Variants in ADGRL3 observed in about 807,000 individuals in gnomAD.
The protein encoded by ADGRL3 is adhesion G protein-coupled receptor L3.
ADGRL3 carries 62 observed loss-of-function variants against 153.5 expected under a neutral mutation model. The observed-to-expected ratio is 0.40, with a 90% CI of 0.33 to 0.50. The LOEUF (loss-of-function observed/expected upper bound fraction) is 0.50. ADGRL3 is among the 20% of genes least tolerant of loss of function. The pLI, the probability that ADGRL3 is intolerant of heterozygous loss-of-function variation, is 0.47. For missense variants in ADGRL3, 1,641 were observed against 1,859.4 expected, an observed-to-expected ratio of 0.88 and a Z score of 2.16; for synonymous variants, 710 against 672.5, an observed-to-expected ratio of 1.06 and a Z score of -0.86.
At chr4:61,947,794 G>A (rs1404248071) in intron 16 of ADGRL3, among the ~76,000 whole-genome samples, 1 of 152,128 alleles carries the variant, frequency 6.6e-6, no homozygotes, top group African/African-American at 2.4e-5. Flanking sequence ...TGGTTGTTAA[G>A]AGCAATTAAC....
At chr4:61,601,838 C>T (rs1226476558) in intron 5 of ADGRL3, among the ~76,000 whole-genome samples, 1 of 152,054 alleles carries the variant, frequency 6.6e-6, no homozygotes, top group Non-Finnish European at 1.5e-5. Context: ...TAAGTGGAAG[C>T]ACTATCATTT....
intron 25 of ADGRL3, among the ~76,000 whole-genome samples, chr4:62,059,150 G>C (rs2151840577): frequency 6.6e-6 from 1 of 152,198 alleles, no homozygotes; most frequent in South Asian, 2.1e-4. Flanking sequence ...TAGAGCGATA[G>C]GAAGTATGTC....
chr4:61,470,299 T>G (rs1357654838), intron 2 of ADGRL3, among the ~76,000 whole-genome samples: 1 of 151,952 alleles, frequency 6.6e-6, no homozygotes, highest in Non-Finnish European at 1.5e-5. Context: ...CCTTGACTCA[T>G]TCCAGGTAAT....
At chr4:61,240,795 T>C (rs1754623267) in intron 1 of ADGRL3, among the ~76,000 whole-genome samples, 1 of 152,130 alleles carries the variant, frequency 6.6e-6, no homozygotes, top group Non-Finnish European at 1.5e-5. Flanking sequence ...ACTTGTTTAA[T>C]GTTTCATGAG....
At chr4:61,937,898 CAT>C (rs1225736683) in intron 15 of ADGRL3, among the ~76,000 whole-genome samples, 3 of 152,086 alleles carry the variant, frequency 2.0e-5, no homozygotes, top group African/African-American at 7.2e-5. Context: ...TCTAAATTAA[CAT>C]ATAGTTTTTC....
intron 8 of ADGRL3, among the ~76,000 whole-genome samples, chr4:61,792,649 C>T (rs950051290): frequency 6.6e-6 from 1 of 151,748 alleles, no homozygotes; most frequent in Non-Finnish European, 1.5e-5. Flanking sequence ...GCCACCACAC[C>T]CAGCTAATTT....
chr4:61,690,156 T>C (rs1238042293), intron 6 of ADGRL3, among the ~76,000 whole-genome samples: 4 of 152,150 alleles, frequency 2.6e-5, no homozygotes, highest in Non-Finnish European at 5.9e-5. Flanking sequence ...AAAAGTTGTC[T>C]GAAGTTGGCC....
At chr4:61,429,827 G>A (rs1219890247) in intron 2 of ADGRL3, among the ~76,000 whole-genome samples, 1 of 152,050 alleles carries the variant, frequency 6.6e-6, no homozygotes, top group African/African-American at 2.4e-5. Flanking sequence ...ATTTTTTAAG[G>A]TAATTTCCTT....
intron 19 of ADGRL3, among the ~76,000 whole-genome samples, chr4:61,985,303 G>T (rs2099081422): frequency 6.6e-6 from 1 of 151,614 alleles, no homozygotes; most frequent in Non-Finnish European, 1.5e-5. Flanking sequence ...TTTGAGGTGA[G>T]TGTGAAGAAA....
At chr4:61,820,014 C>T (rs11732286) in intron 9 of ADGRL3, among the ~76,000 whole-genome samples, 13,520 of 151,950 alleles carry the variant, frequency 0.089, 694 homozygotes, top group Middle Eastern at 0.15. Flanking sequence ...TTGATTTATT[C>T]GACTTTCACT....
chr4:61,606,992 TG>T (rs956721005), intron 5 of ADGRL3, among the ~76,000 whole-genome samples: 9 of 152,196 alleles, frequency 5.9e-5, no homozygotes, highest in African/African-American at 1.9e-4. Context: ...AGCAATTCAC[TG>T]AGACTGTGGT....
chr4:61,381,746 A>G (rs921015755), intron 1 of ADGRL3, among the ~76,000 whole-genome samples: 1 of 152,048 alleles, frequency 6.6e-6, no homozygotes, highest in African/African-American at 2.4e-5. Context: ...TTCAAAAACC[A>G]GGGAAAAAAG....
At chr4:61,389,004 T>C (rs1032527230) in intron 2 of ADGRL3, among the ~76,000 whole-genome samples, 2 of 152,268 alleles carry the variant, frequency 1.3e-5, no homozygotes, top group Non-Finnish European at 2.9e-5. Context: ...CATTATTTTA[T>C]GTATTCTAAA....
chr4:61,287,739 C>G (rs889042959), intron 1 of ADGRL3, among the ~76,000 whole-genome samples: 28 of 151,886 alleles, frequency 1.8e-4, no homozygotes, highest in African/African-American at 6.3e-4. Flanking sequence ...CCTAATCCAT[C>G]TGGAGTGCCA....
Position 62,070,132 on chromosome 4 carries a change from G to T in ADGRL3, c.3856G>T (p.Asp1286Tyr). The change falls in exon 27 of 27, where the codon GAT becomes TAT. Residue 1286 changes from aspartate (D) to tyrosine (Y), a missense_variant. By Grantham distance (160) the Asp-to-Tyr change is radical. Transcript: ENST00000683033. ...ETKGLLNNAR[D>Y]TSVMDTLPLN... is the part of the protein sequence containing the mutation. ...AGAGGGGCTTCTGAACAATGCCAGG[G>T]ATACAAGTGTCATGGATACTCTACC... The T allele has an allele frequency of 4.3e-6, 7 of 1,613,824 alleles. No individual in the cohort carries two copies. Among genetic ancestry groups the T allele is most frequent in the Non-Finnish European group, 5.9e-6 (7 of 1,179,852 alleles).
At position 62,077,809 on chromosome 4, in the gene ADGRL3, GAT is replaced by G. The variant is rs1223389623; in HGVS notation, c.*6904_*6905del. The G allele has an allele frequency of 9.9e-5, 15 of 151,932 alleles. No individual in the cohort carries two copies. Among genetic ancestry groups the G allele is most frequent in the Non-Finnish European group, 1.5e-4 (10 of 67,886 alleles). The allele number at this position is 151,932 out of a possible 1,614,324, so 9.4% of individuals were successfully genotyped here. A position where few individuals can be genotyped will look rare whatever the true frequency, so the allele number is the denominator to read the frequency against. On this transcript the variant is annotated 3_prime_UTR_variant, in exon 27 of 27. Transcript: ENST00000683033. Reference sequence around the variant, plus strand: ...TTCATCACCCTAAGTAATAAAAGCTGATATGTCTTGAAACAACTATAGACAAT... The same window carrying G: ...TTCATCACCCTAAGTAATAAAAGCTGATGTCTTGAAACAACTATAGACAAT...
intron 1 of ADGRL3, among the ~76,000 whole-genome samples, chr4:61,260,609 C>A (rs1471417503): frequency 6.6e-6 from 1 of 152,154 alleles, no homozygotes; most frequent in Non-Finnish European, 1.5e-5. Context: ...AAGTGCCTAG[C>A]AGAATGCATG....
intron 25 of ADGRL3, among the ~76,000 whole-genome samples, chr4:62,053,341 C>T (rs535203304): frequency 1.3e-5 from 2 of 151,596 alleles, no homozygotes; most frequent in South Asian, 4.1e-4. Flanking sequence ...GAATTGCATA[C>T]AAAGGCTAGC....
At chr4:61,412,802 G>T (rs1030228462) in intron 2 of ADGRL3, among the ~76,000 whole-genome samples, 10 of 151,948 alleles carry the variant, frequency 6.6e-5, no homozygotes, top group Admixed American at 2.0e-4. Flanking sequence ...TGCTAAGATG[G>T]TGTTCTATCA....
Sources: allele counts gnomAD v4.1 joint callset (sites outside exome capture counted in the v4.1 genomes callset), GRCh38; gene constraint gnomAD v4.1.1; transcripts MANE v1.5; gene names NCBI Gene and HGNC (gene_info 2026-07-23, HGNC 2026-07-21).